FAM53B: variants seen among roughly 807,000 people sequenced by gnomAD.
FAM53B encodes family with sequence similarity 53 member B.
FAM53B carries 12 observed loss-of-function variants against 32.7 expected under a neutral mutation model. The observed-to-expected ratio is 0.37, with a 90% CI of 0.24 to 0.59. FAM53B has a LOEUF of 0.59. FAM53B is among the 20% of genes least tolerant of loss of function. The pLI, the probability that FAM53B is intolerant of heterozygous loss-of-function variation, is 0.72. For synonymous variants in FAM53B, 234 were observed against 228.7 expected, an observed-to-expected ratio of 1.02 and a Z score of -0.21; for missense variants, 477 against 577.7, an observed-to-expected ratio of 0.83 and a Z score of 1.79.
intron 4 of FAM53B, among the ~76,000 whole-genome samples, chr10:124,640,485 A>T (rs528861219): frequency 6.6e-6 from 1 of 152,348 alleles, no homozygotes; most frequent in Non-Finnish European, 1.5e-5. Context: ...CTTCCTGTGC[A>T]GAAAACCAAC....
chr10:124,620,910 C>T lies in FAM53B; in HGVS notation c.*2332G>A, dbSNP rs921348336. The T allele has an allele frequency of 1.3e-5, 2 of 152,396 alleles. No homozygotes were observed. The highest frequency in any genetic ancestry group is 4.1e-4 in the South Asian group (2 of 4,826). The allele number at this position is 152,396 out of a possible 1,614,324, so 9.4% of individuals were successfully genotyped here. On this transcript the variant is annotated 3_prime_UTR_variant, in exon 5 of 5. Coordinates refer to ENST00000337318, the MANE Select transcript of FAM53B (RefSeq NM_014661.4). ...GCGCCCTGGGGCTGGGCTTGCTGGTCGATGGGACCAGCTTGCGGGGAGGTG... is the reference window on the plus strand; with the variant it reads ...GCGCCCTGGGGCTGGGCTTGCTGGTTGATGGGACCAGCTTGCGGGGAGGTG...
intron 4 of FAM53B, among the ~76,000 whole-genome samples, chr10:124,644,770 G>A (rs1949500935): frequency 6.6e-6 from 1 of 152,212 alleles, no homozygotes; most frequent in Non-Finnish European, 1.5e-5. Flanking sequence ...GCATGGGGGA[G>A]GGAGGCAGAA....
At chr10:124,681,298 C>T (rs977972035) in intron 4 of FAM53B, among the ~76,000 whole-genome samples, 10 of 152,082 alleles carry the variant, frequency 6.6e-5, no homozygotes, top group African/African-American at 9.7e-5. Context: ...AGTGAAGGGC[C>T]GGAGGGGATT....
At chr10:124,672,987 A>G (rs1435818789) in intron 4 of FAM53B, among the ~76,000 whole-genome samples, 1 of 152,240 alleles carries the variant, frequency 6.6e-6, no homozygotes, top group East Asian at 1.9e-4. Context: ...CACACACTAA[A>G]CAGGGTAGCT....
At chr10:124,690,726 A>G (rs928947698) in intron 3 of FAM53B, among the ~76,000 whole-genome samples, 17 of 152,252 alleles carry the variant, frequency 1.1e-4, no homozygotes, top group Admixed American at 5.9e-4. Flanking sequence ...AAACTATTTT[A>G]GAGATTTTTA....
chr10:124,639,162 A>G (rs1002231827), intron 4 of FAM53B, among the ~76,000 whole-genome samples: 4 of 152,136 alleles, frequency 2.6e-5, no homozygotes, highest in African/African-American at 9.7e-5. Flanking sequence ...CCCCTAGTTC[A>G]GGGCTTCTGG....
intron 4 of FAM53B, among the ~76,000 whole-genome samples, chr10:124,627,687 G>A (rs796515311): frequency 1.3e-5 from 2 of 152,280 alleles, no homozygotes; most frequent in African/African-American, 4.8e-5. Flanking sequence ...TGCTAGAGAG[G>A]CAACTTTGGG....
chr10:124,659,101 C>T (rs1949613419), intron 4 of FAM53B, among the ~76,000 whole-genome samples: 1 of 152,164 alleles, frequency 6.6e-6, no homozygotes, highest in Admixed American at 6.5e-5. Context: ...TGACGTGCAC[C>T]CACCCCTTCT....
At chr10:124,699,324 C>T (rs550689500) in intron 2 of FAM53B, among the ~76,000 whole-genome samples, 3 of 152,320 alleles carry the variant, frequency 2.0e-5, no homozygotes, top group Non-Finnish European at 4.4e-5. Context: ...TGTCAGGCAA[C>T]GGAAGTGGAT....
chr10:124,691,247 G>A (rs1432148930), intron 3 of FAM53B, among the ~76,000 whole-genome samples: 1 of 152,130 alleles, frequency 6.6e-6, no homozygotes, highest in Non-Finnish European at 1.5e-5. Flanking sequence ...TATGTACAGA[G>A]TAGACTTTAA....
chr10:124,649,477 C>G (rs777662078), intron 4 of FAM53B, among the ~76,000 whole-genome samples: 5 of 152,226 alleles, frequency 3.3e-5, no homozygotes, highest in Non-Finnish European at 4.4e-5. Context: ...CCGGCCCCAC[C>G]TCCAGGCAAG....
intron 4 of FAM53B, among the ~76,000 whole-genome samples, chr10:124,676,809 A>T (rs1212875298): frequency 6.6e-6 from 1 of 151,950 alleles, no homozygotes; most frequent in Non-Finnish European, 1.5e-5. Context: ...ACGTGCTGGC[A>T]TGCTGGTTTC....
chr10:124,644,853 C>A (rs1008386253), intron 4 of FAM53B, among the ~76,000 whole-genome samples: 1 of 152,152 alleles, frequency 6.6e-6, no homozygotes, highest in African/African-American at 2.4e-5. Context: ...AAGGGGACGG[C>A]GCATCAGTCC....
intron 4 of FAM53B, among the ~76,000 whole-genome samples, chr10:124,666,252 A>G (rs1421490175): frequency 1.3e-5 from 2 of 152,246 alleles, no homozygotes; most frequent in African/African-American, 4.8e-5. Context: ...AACTATGGTT[A>G]AGAGGCTGCC....
chr10:124,637,465 G>C (rs747107442), intron 4 of FAM53B, among the ~76,000 whole-genome samples: 1 of 152,080 alleles, frequency 6.6e-6, no homozygotes, highest in Admixed American at 6.5e-5. Context: ...GACTAGCTTC[G>C]ATGCAACTTG....
intron 3 of FAM53B, among the ~76,000 whole-genome samples, chr10:124,690,682 G>A (rs1261757882): frequency 6.6e-6 from 1 of 151,978 alleles, no homozygotes; most frequent in Admixed American, 6.6e-5. Context: ...ACCAATGAAT[G>A]GTACAAGGAA....
At chr10:124,684,459 T>C (rs1949790919) in intron 3 of FAM53B, among the ~76,000 whole-genome samples, 1 of 152,202 alleles carries the variant, frequency 6.6e-6, no homozygotes, top group Admixed American at 6.5e-5. Flanking sequence ...CACCATTCTA[T>C]TAAATCAGTT....
At chr10:124,700,038 C>T (rs1949904634) in intron 2 of FAM53B, among the ~76,000 whole-genome samples, 2 of 152,208 alleles carry the variant, frequency 1.3e-5, no homozygotes, top group African/African-American at 4.8e-5. Context: ...ACCTCAAGAC[C>T]AGATCACGGC....
chr10:124,704,177 G>A (rs913218834), intron 2 of FAM53B: 1 of 152,246 alleles, frequency 6.6e-6, no homozygotes, highest in South Asian at 2.1e-4. Flanking sequence ...TACTCTAGTC[G>A]CACCCACTCA....
Sources: gnomAD v4.1 joint callset for allele counts (sites outside exome capture counted in the v4.1 genomes callset) on GRCh38, gnomAD v4.1.1 for gene constraint, MANE v1.5 for transcripts, NCBI Gene and HGNC (gene_info 2026-07-23, HGNC 2026-07-21) for gene names.